Variants in TEN1 observed in about 807,000 individuals in gnomAD.
TEN1 encodes the protein TEN1 subunit of CST complex.
A neutral mutation model predicts 9.3 loss-of-function variants in TEN1; 6 were observed. The observed-to-expected ratio is 0.65, with a 90% CI of 0.35 to 1.27. TEN1 has a LOEUF of 1.27. TEN1 is among the 50% of genes most tolerant of loss of function. TEN1 has a pLI of 0.03. For synonymous variants in TEN1, 65 were observed against 65.6 expected (o/e 0.99, Z 0.04); for missense variants, 149 against 158.2 (o/e 0.94, Z 0.31).
intron 2 of TEN1, among the ~76,000 whole-genome samples, chr17:75,989,827 A>G (rs2066174620): frequency 6.6e-6 from 1 of 151,710 alleles, no homozygotes; most frequent in Admixed American, 6.6e-5. Context: ...TGCAAGTGAC[A>G]TGATCATGGC....
intron 1 of TEN1, among the ~76,000 whole-genome samples, chr17:75,983,700 A>T (rs1416898900): frequency 1.3e-5 from 2 of 152,126 alleles, no homozygotes; most frequent in East Asian, 3.9e-4. Context: ...ACATTATTTA[A>T]ATGTAGTTTC....
At chr17:75,981,460 T>TA (rs1473054201) in intron 1 of TEN1, among the ~76,000 whole-genome samples, 7 of 152,160 alleles carry the variant, frequency 4.6e-5, no homozygotes, top group Admixed American at 2.6e-4. Flanking sequence ...GTGCTGAGAT[T>TA]ACAGGCGTGA....
chr17:75,996,143 AC>A (rs2066216667), intron 3 of TEN1, among the ~76,000 whole-genome samples: 1 of 151,772 alleles, frequency 6.6e-6, no homozygotes, highest in Non-Finnish European at 1.5e-5. Flanking sequence ...TAATCTCAGA[AC>A]TTTTGGGAGG....
In TEN1 at chr17:75,991,653, A is replaced by G. The variant is rs528817222; in HGVS notation, c.250+30A>G. The G allele has an allele frequency of 1.7e-5, 27 of 1,545,872 alleles. No individual in the cohort carries two copies. In the African/African-American group the frequency reaches 2.7e-4, roughly 16 times the overall value. On this transcript the variant is annotated intron_variant, in intron 3 of 3. Transcript: ENST00000397640. ...GCTGCAGCCTCAGATCCCCTTTCTC[A>G]TCCTGGGGCCTGAGCTGGGGCAGTC...
chr17:75,997,481 C>T lies in TEN1; in HGVS notation c.251-2660C>T, dbSNP rs554654236. Among the ~76,000 whole-genome samples, 12 of 152,250 alleles carry T rather than the reference C, an allele frequency of 7.9e-5. No homozygotes were observed. In the South Asian group the frequency reaches 2.1e-3, roughly 26 times the overall value. ...AGCTAGAATCGAGGCCACAGGCAGC[C>T]GTTCTTCCTCCTACCATCAGACACT... is the stretch of plus-strand genomic sequence containing the variant. On this transcript the variant is annotated intron_variant, in intron 3 of 3. Coordinates refer to ENST00000397640, the MANE Select transcript of TEN1 (RefSeq NM_001113324.3).
Position 75,991,682 on chromosome 17 carries a change from G to A in TEN1, c.250+59G>A, listed in dbSNP as rs145636003. The A allele has an allele frequency of 3.6e-4, 551 of 1,518,726 alleles. 6 individuals are homozygous for A. The South Asian group carries it at 5.8e-3, about 16-fold the overall frequency. The allele number at this position is 1,518,726 out of a possible 1,614,324, so 94.1% of individuals were successfully genotyped here. On this transcript the variant is annotated intron_variant, in intron 3 of 3. Coordinates refer to ENST00000397640, the MANE Select transcript of TEN1 (RefSeq NM_001113324.3). ...TGGGGCCTGAGCTGGGGCAGTCTTC[G>A]GGGCAGTCAGTGAGAAATGGGCTCG...
chr17:75,990,981 C>T (rs2066180899), intron 2 of TEN1, among the ~76,000 whole-genome samples: 1 of 151,044 alleles, frequency 6.6e-6, no homozygotes, highest in Admixed American at 6.6e-5. Flanking sequence ...AAAACCCCTT[C>T]TCTACTAAAA....
At position 76,000,441 on chromosome 17, in the gene TEN1, C is replaced by G; in HGVS notation, c.*179C>G. On this transcript the variant is annotated 3_prime_UTR_variant, in exon 4 of 4. Transcript: ENST00000397640. This position sits in a 1 kb window ranked among gnomAD's most constrained non-coding sequence, Gnocchi z 5.9. ...TTTGGGATTGGCTCAGCAATGAGAA[C>G]CCAGAAAGCATGCCATAAATCCGAC... 1 of 952,342 alleles carries G rather than the reference C, an allele frequency of 1.1e-6. No homozygotes were observed. Among genetic ancestry groups the G allele is most frequent in the Non-Finnish European group, 1.5e-6 (1 of 667,822 alleles). 59.0% of individuals were successfully genotyped at this position (952,342 alleles called of 1,614,324 possible).
At chr17:75,985,610 C>T (rs1461887982) in intron 1 of TEN1, among the ~76,000 whole-genome samples, 1 of 152,062 alleles carries the variant, frequency 6.6e-6, no homozygotes, top group East Asian at 1.9e-4. Context: ...CTGAAACTTC[C>T]ACCTCCTGGG....
At chr17:75,986,367 A>G in intron 2 of TEN1, 83 bp downstream of exon 2, 1 of 1,253,584 alleles carries the variant, frequency 8.0e-7, no homozygotes. Flanking sequence ...ATAATTAGAA[A>G]AGATTTTTAT....
At chr17:75,992,046 CA>C (rs11309442) in intron 3 of TEN1, among the ~76,000 whole-genome samples, 12,297 of 54,252 alleles carry the variant, frequency 0.23, 434 homozygotes, top group African/African-American at 0.39. Context: ...GACTCCGTCT[CA>C]AAAAAAAAAA....
At position 75,991,518 on chromosome 17, in the gene TEN1, G is replaced by A. The variant is rs1425396642; in HGVS notation, c.145G>A (p.Gly49Arg). ...CAGAGTAACACTGATGGCTCAGCAC[G>A]GATCCGATCAGCACCAGGTTCTTGT... ...QSRVTLMAQH[G>R]SDQHQVLVCT... The change falls in exon 3 of 4, where the codon GGA becomes AGA. Residue 49 changes from glycine (G) to arginine (R), a missense_variant. Physicochemically the swap from Gly to Arg is moderately radical, Grantham distance 125 (BLOSUM62 -2). Coordinates refer to ENST00000397640, the MANE Select transcript of TEN1 (RefSeq NM_001113324.3). 20 of 1,552,200 alleles carry A rather than the reference G, an allele frequency of 1.3e-5. No homozygotes were observed. The highest frequency in any genetic ancestry group is 2.4e-5 in the South Asian group (2 of 84,064).
chr17:75,990,036 C>T (rs2066175775), intron 2 of TEN1, among the ~76,000 whole-genome samples: 2 of 151,876 alleles, frequency 1.3e-5, no homozygotes, highest in African/African-American at 2.4e-5. Flanking sequence ...TGTGAGCCAC[C>T]ATGCCCAACC....
At chr17:75,993,138 G>A (rs1284125115) in intron 3 of TEN1, among the ~76,000 whole-genome samples, 9 of 129,786 alleles carry the variant, frequency 6.9e-5, no homozygotes, top group African/African-American at 2.3e-4. Flanking sequence ...ACGGAGTGTC[G>A]CTCTCGCCAG....
intron 2 of TEN1, among the ~76,000 whole-genome samples, chr17:75,990,069 G>A (rs1399747511): frequency 1.4e-5 from 2 of 145,146 alleles, no homozygotes; most frequent in Admixed American, 6.9e-5. Flanking sequence ...TTTTTGAGAC[G>A]GAGTCTTGCT....
At chr17:75,999,891 G>C (rs1255334103) in intron 3 of TEN1, among the ~76,000 whole-genome samples, 1 of 152,064 alleles carries the variant, frequency 6.6e-6, no homozygotes, top group African/African-American at 2.4e-5. Flanking sequence ...TGCCAAGGGG[G>C]CCTTTCCCTC....
At chr17:75,980,728 G>A (rs138399918) in intron 1 of TEN1, among the ~76,000 whole-genome samples, 17 of 152,150 alleles carry the variant, frequency 1.1e-4, no homozygotes, top group African/African-American at 3.4e-4. Context: ...TAGCCTGTCT[G>A]TAGTCTGTGT....
chr17:75,979,411 G>A lies in TEN1; in HGVS notation c.-107G>A, dbSNP rs755890933. The A allele has an allele frequency of 1.1e-5, 5 of 462,538 alleles. No homozygotes were observed. The highest frequency in any genetic ancestry group is 2.0e-5 in the Non-Finnish European group (5 of 251,566). The allele number at this position is 462,538 out of a possible 1,614,324, so 28.7% of individuals were successfully genotyped here. ...GAAACTGCCCTGCTGGGCGTCCGGGGAGTGGGAAAATAAAGCACTTTTTGT... is the reference window on the plus strand; with the variant it reads ...GAAACTGCCCTGCTGGGCGTCCGGGAAGTGGGAAAATAAAGCACTTTTTGT... On this transcript the variant is annotated 5_prime_UTR_variant, in exon 1 of 4. Coordinates refer to ENST00000397640, the MANE Select transcript of TEN1 (RefSeq NM_001113324.3).
intron 3 of TEN1, among the ~76,000 whole-genome samples, chr17:75,997,584 TCCTA>T (rs1210813024): frequency 6.6e-6 from 1 of 152,120 alleles, no homozygotes; most frequent in Non-Finnish European, 1.5e-5. Flanking sequence ...GCGGGGTCCC[TCCTA>T]CCTAAGGGGT....
Sources: allele counts gnomAD v4.1 joint callset (sites outside exome capture counted in the v4.1 genomes callset), GRCh38; gene constraint gnomAD v4.1.1; non-coding constraint Gnocchi (gnomAD v3.1); transcripts MANE v1.5; gene names NCBI Gene and HGNC (gene_info 2026-07-23, HGNC 2026-07-21).